GNAI1: variants seen among roughly 807,000 people sequenced by gnomAD.
GNAI1 encodes G protein subunit alpha i1.
GNAI1 carries 11 observed loss-of-function variants against 38.9 expected under a neutral mutation model. The ratio of observed to expected loss-of-function variants is 0.28; its 90% CI spans 0.18 to 0.47. The LOEUF is 0.47. Ranked by LOEUF, GNAI1 falls within the 20% of genes least tolerant of loss-of-function variation. GNAI1 has a pLI of 0.99. For missense variants in GNAI1, 317 were observed against 436.9 expected, an observed-to-expected ratio of 0.73 and a Z score of 2.45; for synonymous variants, 166 against 145.1, an observed-to-expected ratio of 1.14 and a Z score of -1.04.
At chr7:80,158,220 C>T (rs1400809365) in intron 1 of GNAI1, among the ~76,000 whole-genome samples, 2 of 152,074 alleles carry the variant, frequency 1.3e-5, no homozygotes, top group Non-Finnish European at 2.9e-5. Context: ...GATTTTTTCT[C>T]GTATAAAGTT....
At position 80,223,795 on chromosome 7, in the gene GNAI1, C is replaced by CT. The variant is rs150647324; in HGVS notation, c.*6308dup. ...GGCAATTTACCTGTAATAAATATAA[C>CT]TTTTTTGCAGACTTGAGCATACGTT... is the stretch of plus-strand genomic sequence containing the variant. On this transcript the variant is annotated 3_prime_UTR_variant, in exon 8 of 8. Transcript: ENST00000649796. Among the ~76,000 whole-genome samples the CT allele has an allele frequency of 0.036, 5,411 of 152,192 alleles. 331 individuals carry two copies. Among genetic ancestry groups the CT allele is most frequent in the African/African-American group, 0.13 (5,213 of 41,490 alleles).
intron 1 of GNAI1, among the ~76,000 whole-genome samples, chr7:80,172,507 A>G (rs1788113355): frequency 6.6e-6 from 1 of 152,144 alleles, no homozygotes; most frequent in Admixed American, 6.5e-5. Context: ...TCAAAAACAT[A>G]TGCTTCTATT....
At chr7:80,214,977 G>A (rs1371169347) in intron 7 of GNAI1, among the ~76,000 whole-genome samples, 1 of 152,086 alleles carries the variant, frequency 6.6e-6, no homozygotes, top group African/African-American at 2.4e-5. Flanking sequence ...TTGGTTGGTT[G>A]GGTTGGTCGG....
At chr7:80,169,529 T>G (rs1788067157) in intron 1 of GNAI1, among the ~76,000 whole-genome samples, 1 of 152,184 alleles carries the variant, frequency 6.6e-6, no homozygotes, top group South Asian at 2.1e-4. Flanking sequence ...TTAGGAACAG[T>G]TTGCTCTTAG....
chr7:80,209,862 T>TA (rs1300458336), intron 5 of GNAI1, among the ~76,000 whole-genome samples: 1 of 152,202 alleles, frequency 6.6e-6, no homozygotes, highest in African/African-American at 2.4e-5. Context: ...CTCTGTGATT[T>TA]AGTTTGTGGT....
intron 1 of GNAI1, among the ~76,000 whole-genome samples, chr7:80,165,105 G>A (rs1234238930): frequency 6.6e-6 from 1 of 151,870 alleles, no homozygotes; most frequent in Non-Finnish European, 1.5e-5. Context: ...CATTATTAAG[G>A]GATGTATATT....
At chr7:80,190,136 T>C (rs545511282) in intron 3 of GNAI1, among the ~76,000 whole-genome samples, 3 of 152,210 alleles carry the variant, frequency 2.0e-5, no homozygotes, top group Non-Finnish European at 2.9e-5. Context: ...TTTGTCTTAG[T>C]GTCAGCTAGA....
chr7:80,202,552 G>A (rs1292667392), intron 4 of GNAI1, among the ~76,000 whole-genome samples: 3 of 152,198 alleles, frequency 2.0e-5, no homozygotes, highest in Non-Finnish European at 4.4e-5. Flanking sequence ...TAAAAGCACA[G>A]AGAAAGTACT....
At chr7:80,199,719 G>A (rs919398515) in intron 4 of GNAI1, among the ~76,000 whole-genome samples, 1 of 152,136 alleles carries the variant, frequency 6.6e-6, no homozygotes, top group Non-Finnish European at 1.5e-5. Flanking sequence ...TTTACTTGGA[G>A]CTATGTTAAT....
At chr7:80,135,364 G>C (rs28763988) in intron 1 of GNAI1, 86 bp downstream of exon 1, 2 of 731,848 alleles carry the variant, frequency 2.7e-6, no homozygotes, top group Non-Finnish European at 4.0e-6. Flanking sequence ...AACCCGGAGG[G>C]AAGGGGGAGG....
intron 3 of GNAI1, among the ~76,000 whole-genome samples, chr7:80,190,218 G>C (rs111452103): frequency 2.9e-3 from 434 of 152,050 alleles, no homozygotes; most frequent in African/African-American, 0.01. Context: ...CAATATTAGG[G>C]AATATACATT....
intron 5 of GNAI1, among the ~76,000 whole-genome samples, chr7:80,209,237 C>G (rs914747894): frequency 6.6e-6 from 1 of 152,144 alleles, no homozygotes; most frequent in Admixed American, 6.5e-5. Flanking sequence ...GTTGTATCAT[C>G]AGTATTCACC....
intron 1 of GNAI1, chr7:80,136,053 T>G (rs992499989): frequency 1.0e-6 from 1 of 985,224 alleles, no homozygotes; most frequent in Non-Finnish European, 1.2e-6. Flanking sequence ...CCACCGTTTC[T>G]GATGAATGAG....
intron 1 of GNAI1, among the ~76,000 whole-genome samples, chr7:80,188,618 A>G (rs1788427180): frequency 6.6e-6 from 1 of 152,196 alleles, no homozygotes; most frequent in Non-Finnish European, 1.5e-5. Flanking sequence ...TATTGGGACA[A>G]ATGAACATAT....
rs111375924 is a variant in GNAI1 at position 80,189,285 on chromosome 7, A to G, written c.303+54A>G. 2.6e-5 allele frequency: 37 copies of G among 1,434,444 alleles called. No homozygotes were observed. The African/African-American group carries it at 4.2e-4, about 16-fold the overall frequency. 88.9% of individuals were successfully genotyped at this position (1,434,444 alleles called of 1,614,324 possible). On this transcript the variant is annotated intron_variant, in intron 3 of 7. Transcript: ENST00000649796. ...CTGATGGGTAAAAAGAATAACTTGT[A>G]TGCTAATACCATACTGTGTAACATA...
In GNAI1 at chr7:80,158,347, T is replaced by C. The variant is rs372224833; in HGVS notation, c.118+23069T>C. On this transcript the variant is annotated intron_variant, in intron 1 of 7. Coordinates refer to ENST00000649796, the MANE Select transcript of GNAI1 (RefSeq NM_002069.6). ...ATTTAGCAGTGTTTCCACATACTTA[T>C]GAAATTCTTGTTTTCTAAAGGGTGA... Among the ~76,000 whole-genome samples, 7 of 152,212 alleles carry C rather than the reference T, an allele frequency of 4.6e-5. No individual in the cohort carries two copies. In the East Asian group the frequency reaches 7.7e-4, roughly 17 times the overall value.
In GNAI1 at chr7:80,224,187, A is replaced by T. The variant is rs896539675; in HGVS notation, c.*6694A>T. ...ATATATAGAGAAAATGCATACATAC[A>T]TAATTTATTGAGTGCCTACTGTGTG... On this transcript the variant is annotated 3_prime_UTR_variant, in exon 8 of 8. Transcript: ENST00000649796. Among the ~76,000 whole-genome samples the T allele has an allele frequency of 1.3e-5, 2 of 152,234 alleles. No homozygotes were observed. The highest frequency in any genetic ancestry group is 4.8e-5 in the African/African-American group (2 of 41,466).
chr7:80,135,453 G>T, intron 1 of GNAI1, 175 bp downstream of exon 1: 1 of 426,480 alleles, frequency 2.3e-6, no homozygotes. Flanking sequence ...CCCGGTGTCT[G>T]GTCTCTCTCC....
rs542714167 is a variant in GNAI1 at position 80,188,908 on chromosome 7, G to T, written c.119-43G>T. The T allele has an allele frequency of 4.6e-5, 58 of 1,261,692 alleles. 1 individual carries two copies. In the Admixed American group the frequency reaches 8.1e-4, roughly 18 times the overall value. The allele number at this position is 1,261,692 out of a possible 1,614,324, so 78.2% of individuals were successfully genotyped here. ...TGTTGGGAGTTGAATATACTTAAGTGATTATGATGAAATTAGAAACCTTTT... is the reference window on the plus strand; with the variant it reads ...TGTTGGGAGTTGAATATACTTAAGTTATTATGATGAAATTAGAAACCTTTT... On this transcript the variant is annotated intron_variant, in intron 1 of 7. Coordinates refer to ENST00000649796, the MANE Select transcript of GNAI1 (RefSeq NM_002069.6).
Sources: allele counts gnomAD v4.1 joint callset (sites outside exome capture counted in the v4.1 genomes callset), GRCh38; gene constraint gnomAD v4.1.1; transcripts MANE v1.5; gene names NCBI Gene and HGNC (gene_info 2026-07-23, HGNC 2026-07-21).